DIRAS2: variants seen among roughly 807,000 people sequenced by gnomAD.
DIRAS2 encodes DIRAS family GTPase 2.
Under a neutral mutation model 13.9 loss-of-function variants are expected in DIRAS2, and 5 were observed. That is an observed-to-expected ratio of 0.36 (90% CI 0.19 to 0.76). The LOEUF is 0.76. Ranked by LOEUF, DIRAS2 falls within the 30% of genes least tolerant of loss-of-function variation. The pLI is 0.53. For synonymous variants in DIRAS2, 111 were observed against 105.4 expected (o/e 1.05, Z -0.33); for missense variants, 191 against 263.0 (o/e 0.73, Z 1.89).
chr9:90,633,314 TGGA>T (rs1428308308), intron 1 of DIRAS2, among the ~76,000 whole-genome samples: 1 of 152,164 alleles, frequency 6.6e-6, no homozygotes, highest in African/African-American at 2.4e-5. Flanking sequence ...TGAGGTAGAC[TGGA>T]GGAGAAGGAA....
chr9:90,627,752 G>A (rs1026887808), intron 1 of DIRAS2, among the ~76,000 whole-genome samples: 3 of 151,968 alleles, frequency 2.0e-5, no homozygotes, highest in African/African-American at 4.8e-5. Context: ...AGCAATAACC[G>A]AACCATGAAT....
intron 1 of DIRAS2, among the ~76,000 whole-genome samples, chr9:90,614,480 G>C (rs1048145262): frequency 5.9e-5 from 9 of 152,082 alleles, no homozygotes; most frequent in African/African-American, 9.7e-5. Flanking sequence ...GTTGTACAAT[G>C]ATGAAACTGG....
Position 90,613,509 on chromosome 9 carries a change from T to A in DIRAS2, c.319A>T (p.Ile107Phe). ...GGGATGCTCTCCACGTCCCCTTTGA[T>A]CTCGCAGATTTGTTCGTAGATGGGC... ...LKPIYEQICE[I>F]KGDVESIPIM... Residue 107 changes from isoleucine (I) to phenylalanine (F), a missense_variant, in exon 2 of 2, where the codon ATC (isoleucine) becomes TTC (phenylalanine). Ile to Phe is a conservative substitution (Grantham distance 21). Transcript: ENST00000375765. This position sits in a 1 kb window ranked among gnomAD's most constrained non-coding sequence, Gnocchi z 5.6. The A allele has an allele frequency of 6.2e-7, 1 of 1,614,022 alleles. No homozygotes were observed. Among genetic ancestry groups the A allele is most frequent in the South Asian group, 1.1e-5 (1 of 91,074 alleles).
intron 1 of DIRAS2, among the ~76,000 whole-genome samples, chr9:90,624,202 G>GTAAA (rs1825247259): frequency 6.6e-6 from 1 of 152,142 alleles, no homozygotes; most frequent in African/African-American, 2.4e-5. Flanking sequence ...TCAACAAAAT[G>GTAAA]TAAATTCTTT....
rs900315895 is a variant in DIRAS2, at chr9:90,610,075, C to T, written c.*3153G>A. ...CACTGTCCTTGTGGGGTATGAATTC[C>T]AGGATGTGTCTTCAAGGATTTACAT... On this transcript the variant is annotated 3_prime_UTR_variant, in exon 2 of 2. Coordinates refer to ENST00000375765, the MANE Select transcript of DIRAS2 (RefSeq NM_017594.5). 6 of 209,554 alleles carry T rather than the reference C, an allele frequency of 2.9e-5. No homozygotes were observed. The highest frequency in any genetic ancestry group is 5.8e-5 in the Admixed American group (1 of 17,108). The allele number at this position is 209,554 out of a possible 1,614,324, so 13.0% of individuals were successfully genotyped here.
intron 1 of DIRAS2, among the ~76,000 whole-genome samples, chr9:90,635,436 T>A (rs1825361461): frequency 6.6e-6 from 1 of 152,158 alleles, no homozygotes; most frequent in African/African-American, 2.4e-5. Context: ...CATAAAATAT[T>A]CATTTAAAAA....
At chr9:90,614,991 G>T (rs543326761) in intron 1 of DIRAS2, among the ~76,000 whole-genome samples, 1 of 152,260 alleles carries the variant, frequency 6.6e-6, no homozygotes, top group East Asian at 1.9e-4. Flanking sequence ...TACACAATTT[G>T]GATACATTTT....
At chr9:90,627,724 G>A (rs906925143) in intron 1 of DIRAS2, among the ~76,000 whole-genome samples, 7 of 152,204 alleles carry the variant, frequency 4.6e-5, no homozygotes, top group East Asian at 3.8e-4. Context: ...AGATATGACT[G>A]TATGTATAAA....
At chr9:90,635,880 C>T (rs1372468643) in intron 1 of DIRAS2, among the ~76,000 whole-genome samples, 1 of 152,130 alleles carries the variant, frequency 6.6e-6, no homozygotes, top group African/African-American at 2.4e-5. Context: ...AGTGCTACAA[C>T]CAAGAGGTCT....
chr9:90,620,860 T>C (rs978430770), intron 1 of DIRAS2, among the ~76,000 whole-genome samples: 8 of 152,196 alleles, frequency 5.3e-5, no homozygotes, highest in African/African-American at 1.9e-4. Flanking sequence ...TATCTTGATG[T>C]GGGTGGTGGT....
rs577612414 is a variant in DIRAS2, at chr9:90,639,854, G to T, written c.-37+2898C>A. Among the ~76,000 whole-genome samples, 6 of 152,334 alleles carry T rather than the reference G, an allele frequency of 3.9e-5. No homozygotes were observed. In the South Asian group the frequency reaches 1.0e-3, roughly 26 times the overall value. On this transcript the variant is annotated intron_variant, in intron 1 of 1. Transcript: ENST00000375765. ...GGACACATAACTCACAGCAATCTGA[G>T]ATCATTTGTATATTTATTTTTGATA...
intron 1 of DIRAS2, among the ~76,000 whole-genome samples, chr9:90,640,970 A>G (rs1378856839): frequency 6.6e-6 from 1 of 152,224 alleles, no homozygotes; most frequent in Non-Finnish European, 1.5e-5. Context: ...TTTTGACAAA[A>G]GCACCCCAGT....
At chr9:90,629,353 T>TA (rs1445188591) in intron 1 of DIRAS2, among the ~76,000 whole-genome samples, 1 of 152,158 alleles carries the variant, frequency 6.6e-6, no homozygotes, top group Non-Finnish European at 1.5e-5. Context: ...GCTTGATTTT[T>TA]AAAAAATGCT....
intron 1 of DIRAS2, among the ~76,000 whole-genome samples, chr9:90,628,996 G>A (rs190140520): frequency 0.063 from 9,547 of 151,956 alleles, 345 homozygotes; most frequent in Admixed American, 0.076. Context: ...CTGGGACTAC[G>A]GGCGCCCGCC....
At chr9:90,635,756 C>T (rs1825364479) in intron 1 of DIRAS2, among the ~76,000 whole-genome samples, 1 of 152,174 alleles carries the variant, frequency 6.6e-6, no homozygotes, top group Non-Finnish European at 1.5e-5. Context: ...CAGTCTTTGC[C>T]GGTCTTAAGA....
chr9:90,636,735 A>G (rs572975677), intron 1 of DIRAS2, among the ~76,000 whole-genome samples: 1 of 152,358 alleles, frequency 6.6e-6, no homozygotes, highest in South Asian at 2.1e-4. Flanking sequence ...AGAGAGACAG[A>G]TATCAATTGA....
intron 1 of DIRAS2, among the ~76,000 whole-genome samples, chr9:90,629,543 G>A (rs928069019): frequency 6.7e-6 from 1 of 150,278 alleles, no homozygotes; most frequent in Non-Finnish European, 1.5e-5. Context: ...AAAAAAAACT[G>A]CTGACGGTGT....
At chr9:90,621,026 AAG>A (rs1825215027) in intron 1 of DIRAS2, among the ~76,000 whole-genome samples, 1 of 152,224 alleles carries the variant, frequency 6.6e-6, no homozygotes, top group South Asian at 2.1e-4. Context: ...TTAGAGGAAT[AAG>A]AGTGTTGTGA....
At chr9:90,634,833 A>G (rs1455902922) in intron 1 of DIRAS2, among the ~76,000 whole-genome samples, 1 of 152,236 alleles carries the variant, frequency 6.6e-6, no homozygotes, top group Admixed American at 6.5e-5. Flanking sequence ...CAACTCTAAG[A>G]CAATGGGCTT....
Sources: allele counts gnomAD v4.1 joint callset (sites outside exome capture counted in the v4.1 genomes callset), GRCh38; gene constraint gnomAD v4.1.1; non-coding constraint Gnocchi (gnomAD v3.1); transcripts MANE v1.5; gene names NCBI Gene and HGNC (gene_info 2026-07-23, HGNC 2026-07-21).